HDAC10: variants seen among roughly 807,000 people sequenced by gnomAD.
HDAC10 encodes polyamine deacetylase HDAC10.
In HDAC10, 90 loss-of-function variants were observed where a neutral mutation model predicts 82.3. That is an observed-to-expected ratio of 1.09 (90% CI 0.92 to 1.30). HDAC10 has a LOEUF of 1.30. HDAC10 is among the 50% of genes most tolerant of loss of function. The pLI is 0.00. For missense variants in HDAC10, 934 were observed against 876.3 expected, an observed-to-expected ratio of 1.07 and a Z score of -0.83; for synonymous variants, 456 against 391.7, an observed-to-expected ratio of 1.16 and a Z score of -1.94.
At position 50,248,911 on chromosome 22, in the gene HDAC10, G is replaced by A; in HGVS notation, c.757-21C>T. ...TCAAACTACAGGCCAGGCCGGAGTG[G>A]GGAGGGTCGACAGAGAGGGGCTGGA... On this transcript the variant is annotated intron_variant, in intron 8 of 19. Coordinates refer to ENST00000216271, the MANE Select transcript of HDAC10 (RefSeq NM_032019.6). This position sits in a 1 kb window ranked among gnomAD's most constrained non-coding sequence, Gnocchi z 5.4. 1 of 1,607,424 alleles carries A rather than the reference G, an allele frequency of 6.2e-7. No individual in the cohort carries two copies. Among genetic ancestry groups the A allele is most frequent in the East Asian group, 2.2e-5 (1 of 44,716 alleles).
chr22:50,245,806 C>T lies in HDAC10; in HGVS notation c.1855G>A (p.Gly619Arg). ...LEENSTPQLA[G>R]ILARVLNGEA... ...CCATTCAGCACCCGGGCCAGGATCC[C>T]TGCTAGCTGGGGTGTGGAGTTCTGG... is the stretch of plus-strand genomic sequence containing the variant. Residue 619 changes from glycine to arginine, a missense_variant, in exon 19 of 20, where the codon GGG becomes AGG. Physicochemically the swap from Gly to Arg is moderately radical, Grantham distance 125 (BLOSUM62 -2). Transcript: ENST00000216271. 1.9e-6 allele frequency: 3 copies of T among 1,580,968 alleles called. No homozygotes were observed. The highest frequency in any genetic ancestry group is 2.6e-6 in the Non-Finnish European group (3 of 1,163,638).
chr22:50,247,608 T>C (rs943004786), intron 14 of HDAC10, 84 bp downstream of exon 14: 1 of 993,030 alleles, frequency 1.0e-6, no homozygotes, highest in African/African-American at 1.6e-5. Flanking sequence ...CCAGCCCTCC[T>C]CTGGACAGGC....
Position 50,249,981 on chromosome 22 carries a change from G to A in HDAC10, c.390-17C>T. On this transcript the variant is annotated splice_polypyrimidine_tract_variant and intron_variant, in intron 4 of 19. Coordinates refer to ENST00000216271, the MANE Select transcript of HDAC10 (RefSeq NM_032019.6). This position sits in a 1 kb window ranked among gnomAD's most constrained non-coding sequence, Gnocchi z 4.4. Reference sequence around the variant, plus strand: ...CCGGGAGGCCTACGGCGTGAGAGTAGGATTTGGGTCACGTCAGGGTCGCCC... The same window carrying A: ...CCGGGAGGCCTACGGCGTGAGAGTAAGATTTGGGTCACGTCAGGGTCGCCC... 1 of 1,611,556 alleles carries A rather than the reference G, an allele frequency of 6.2e-7. No individual in the cohort carries two copies. Among genetic ancestry groups the A allele is most frequent in the Non-Finnish European group, 8.5e-7 (1 of 1,178,844 alleles).
chr22:50,250,739 C>T, intron 2 of HDAC10, 32 bp downstream of exon 2: 1 of 1,536,058 alleles, frequency 6.5e-7, no homozygotes, highest in Non-Finnish European at 8.8e-7. Context: ...GCCCGCCCCG[C>T]CCCCCATCGT....
chr22:50,246,604 T>C, intron 16 of HDAC10, 75 bp downstream of exon 16: 2 of 1,244,702 alleles, frequency 1.6e-6, no homozygotes, highest in Non-Finnish European at 2.3e-6. Context: ...CCCGTCACCC[T>C]GGGGCCCAGG....
Position 50,245,906 on chromosome 22 carries a change from T to G in HDAC10, c.1833+4A>C, listed in dbSNP as rs1282100094. 1 of 1,570,660 alleles carries G rather than the reference T, an allele frequency of 6.4e-7. No homozygotes were observed. The highest frequency in any genetic ancestry group is 8.6e-7 in the Non-Finnish European group (1 of 1,158,318). Reference sequence around the variant, plus strand: ...CCGCAGCACCTCCACCCTGCCCAGCTTACCTCCTCCAGGAGGGCCAGGACT... The same window carrying G: ...CCGCAGCACCTCCACCCTGCCCAGCGTACCTCCTCCAGGAGGGCCAGGACT... On this transcript the variant is annotated splice_donor_region_variant and intron_variant, in intron 18 of 19. Coordinates refer to ENST00000216271, the MANE Select transcript of HDAC10 (RefSeq NM_032019.6).
chr22:50,248,666 AGCAC>A lies in HDAC10; in HGVS notation c.898_901del (p.Val300TrpfsTer16). The A allele has an allele frequency of 6.6e-7, 1 of 1,506,668 alleles. No individual in the cohort carries two copies. The allele number at this position is 1,506,668 out of a possible 1,614,324, so 93.3% of individuals were successfully genotyped here. A position where few individuals can be genotyped will look rare whatever the true frequency, so the allele number is the denominator to read the frequency against. On this transcript the variant is annotated frameshift_variant, in exon 10 of 20. Transcript: ENST00000216271. LOFTEE classifies it high-confidence loss of function. This position sits in a 1 kb window ranked among gnomAD's most constrained non-coding sequence, Gnocchi z 5.4. ...CTGTGTGCCCTCCCCAGTCACCTCC[AGCAC>A]GGCACAGACCCGGCCGCCGGCCAGC... is the stretch of plus-strand genomic sequence containing the variant.
At position 50,249,965 on chromosome 22, in the gene HDAC10, C is replaced by T; in HGVS notation, c.390-1G>A. The T allele has an allele frequency of 6.2e-7, 1 of 1,612,550 alleles. No individual in the cohort carries two copies. On this transcript the variant is annotated splice_acceptor_variant, in intron 4 of 19. Transcript: ENST00000216271. LOFTEE classifies it high-confidence loss of function. The surrounding 1 kb of genome is among the most constrained non-coding windows in gnomAD (Gnocchi z 4.4). ...CCTCTGGCCATGGTGCCCGGGAGGC[C>T]TACGGCGTGAGAGTAGGATTTGGGT... is the stretch of plus-strand genomic sequence containing the variant.
rs750276750 is a variant in HDAC10 at position 50,248,078 on chromosome 22, A to C, written c.1149T>G (p.Pro383=). 8.7e-6 allele frequency: 14 copies of C among 1,601,096 alleles called. No individual in the cohort carries two copies. The Admixed American group carries it at 2.4e-4, about 27-fold the overall frequency. Residue 383 remains proline (P), a synonymous_variant, in exon 13 of 20, where the codon CCT becomes CCG. Transcript: ENST00000216271. The surrounding 1 kb of genome is among the most constrained non-coding windows in gnomAD (Gnocchi z 5.4). ...SPEGRPPPLL[P]GGPVCKAAAS... The stretch of plus-strand genomic sequence containing the variant: ...CAGCTGCCTTACACACTGGACCCCC[A>C]GGCAGCAGAGGTGGAGGCCTCCCCT...
Position 50,246,367 on chromosome 22 carries a change from CAG to C in HDAC10, c.1579_1580del (p.Leu527ValfsTer46). On this transcript the variant is annotated frameshift_variant, in exon 17 of 20. Coordinates refer to ENST00000216271, the MANE Select transcript of HDAC10 (RefSeq NM_032019.6). LOFTEE classifies it high-confidence loss of function. ...PPDLAHDGRSLWLNIRGKEAA... is the reference protein window; with the variant it reads ...PPDLAHDGRSXWLNIRGKEAA... ...CCTCCTTGCCCCTGATGTTCAGCCA[CAG>C]ACTCCTCCTTCCAGGACACAGGTGC... is the stretch of plus-strand genomic sequence containing the variant. 1 of 1,612,292 alleles carries C rather than the reference CAG, an allele frequency of 6.2e-7. No homozygotes were observed. The highest frequency in any genetic ancestry group is 8.5e-7 in the Non-Finnish European group (1 of 1,179,734).
Position 50,250,917 on chromosome 22 carries a change from G to A in HDAC10, c.60-12C>T, listed in dbSNP as rs763880230. On this transcript the variant is annotated splice_polypyrimidine_tract_variant and intron_variant, in intron 1 of 19. Coordinates refer to ENST00000216271, the MANE Select transcript of HDAC10 (RefSeq NM_032019.6). ...TCTCGCACTCGGGGCTGGGGCAGAT[G>A]AGGAGCTCAGTTCAGAGGTCCCTCC... is the stretch of plus-strand genomic sequence containing the variant. 1 of 1,605,780 alleles carries A rather than the reference G, an allele frequency of 6.2e-7. No homozygotes were observed. The highest frequency in any genetic ancestry group is 8.5e-7 in the Non-Finnish European group (1 of 1,176,156).
intron 17 of HDAC10, 90 bp downstream of exon 17, chr22:50,246,201 ACCAGAGG>A: frequency 6.6e-7 from 1 of 1,521,914 alleles, no homozygotes; most frequent in Non-Finnish European, 9.0e-7. Flanking sequence ...GACAGGAAGG[ACCAGAGG>A]CCTGCTATCA....
chr22:50,247,008 C>T lies in HDAC10; in HGVS notation c.1423-42G>A, dbSNP rs555252938. The T allele has an allele frequency of 1.3e-4, 169 of 1,330,922 alleles. No homozygotes were observed. In the South Asian group the frequency reaches 1.7e-3, roughly 14 times the overall value. 82.4% of individuals were successfully genotyped at this position (1,330,922 alleles called of 1,614,324 possible). ...CAGTGGAGAATGAGGCACCAACCAACTCCCAAGCCAGGTAAACAGATCCAC... is the reference window on the plus strand; with the variant it reads ...CAGTGGAGAATGAGGCACCAACCAATTCCCAAGCCAGGTAAACAGATCCAC... On this transcript the variant is annotated intron_variant, in intron 14 of 19. Coordinates refer to ENST00000216271, the MANE Select transcript of HDAC10 (RefSeq NM_032019.6).
chr22:50,246,466 C>A, intron 16 of HDAC10, 90 bp from the exon 17 acceptor site: 1 of 1,205,426 alleles, frequency 8.3e-7, no homozygotes. Flanking sequence ...ATTCACGGGG[C>A]CATGGGCAGG....
chr22:50,250,386 C>T (rs749021194), intron 3 of HDAC10, 41 bp downstream of exon 3: 4 of 1,575,908 alleles, frequency 2.5e-6, no homozygotes, highest in Non-Finnish European at 2.6e-6. Context: ...AAGGCACGTG[C>T]ATGTGTGTCT....
chr22:50,246,042 G>A lies in HDAC10; in HGVS notation c.1701C>T (p.Ala567=), dbSNP rs35681275. The stretch of plus-strand genomic sequence containing the variant: ...GCACCAGGTCAGGCTGGAAGCCATA[G>A]GCCAGGGGCAGCACCAAGCCCAAGA... ...SCILGLVLPL[A]YGFQPDLVLV... Residue 567 remains alanine (A), a synonymous_variant, in exon 18 of 20, where the codon GCC becomes GCT. Coordinates refer to ENST00000216271, the MANE Select transcript of HDAC10 (RefSeq NM_032019.6). 68 of 1,612,574 alleles carry A rather than the reference G, an allele frequency of 4.2e-5. No homozygotes were observed. Among genetic ancestry groups the A allele is most frequent in the Middle Eastern group, 3.3e-4 (2 of 6,082 alleles).
At chr22:50,247,199 C>T (rs886500504) in intron 14 of HDAC10, 38 of 430,380 alleles carry the variant, frequency 8.8e-5, no homozygotes, top group African/African-American at 2.5e-4. Flanking sequence ...CGTGCAGTGG[C>T]GCAATTGTAG....
intron 14 of HDAC10, chr22:50,247,400 C>G: frequency 2.8e-6 from 1 of 358,114 alleles, no homozygotes; most frequent in East Asian, 4.5e-5. Context: ...CCCAAACTGC[C>G]GTTATTACAG....
At chr22:50,250,608 G>T in intron 2 of HDAC10, 85 bp from the exon 3 acceptor site, 1 of 1,330,384 alleles carries the variant, frequency 7.5e-7, no homozygotes, top group East Asian at 2.4e-5. Flanking sequence ...TTCATGGTGG[G>T]AGTGGCCACC....
Sources: gnomAD v4.1 joint callset for allele counts on GRCh38, gnomAD v4.1.1 for gene constraint, Gnocchi (gnomAD v3.1) non-coding constraint, MANE v1.5 for transcripts, NCBI Gene and HGNC (gene_info 2026-07-23, HGNC 2026-07-21) for gene names.